Variants in ZNF655 observed in about 807,000 individuals in gnomAD.
The protein encoded by ZNF655 is zinc finger protein 655.
A neutral mutation model predicts 6.6 loss-of-function variants in ZNF655; 3 were observed. The ratio of observed to expected loss-of-function variants is 0.46; its 90% CI spans 0.21 to 1.18. ZNF655 has a LOEUF of 1.18. Among genes scored for constraint, ZNF655 ranks in the 50% most tolerant of loss-of-function variants. The pLI is 0.24. For synonymous variants in ZNF655, 178 were observed against 195.0 expected (o/e 0.91, Z 0.73); for missense variants, 526 against 572.3 (o/e 0.92, Z 0.83).
At chr7:99,562,272 A>G (rs1313731082) in intron 2 of ZNF655, 5 of 1,494,826 alleles carry the variant, frequency 3.3e-6, no homozygotes, top group Admixed American at 2.0e-5. Flanking sequence ...TCCTCAACGT[A>G]AGTACACAGT....
chr7:99,564,180 G>A (rs1312614870), intron 2 of ZNF655: 11 of 1,420,640 alleles, frequency 7.7e-6, no homozygotes, highest in South Asian at 1.6e-5. Flanking sequence ...GCCCTCTGTT[G>A]CAACCAGATA....
At chr7:99,571,499 C>A in intron 2 of ZNF655, 1 of 1,192,254 alleles carries the variant, frequency 8.4e-7, no homozygotes, top group Non-Finnish European at 1.1e-6. Flanking sequence ...TGCCCCTTAA[C>A]ACACATCCCT....
chr7:99,566,001 C>T (rs1474637763), intron 2 of ZNF655, among the ~76,000 whole-genome samples: 1 of 151,370 alleles, frequency 6.6e-6, no homozygotes. Context: ...TATACACACA[C>T]ACAGACATAG....
Position 99,573,107 on chromosome 7 carries a change from T to C in ZNF655, c.999T>C (p.Thr333=), listed in dbSNP as rs1239797042. 6.2e-7 allele frequency: 1 copy of C among 1,614,170 alleles called. No individual in the cohort carries two copies. Among genetic ancestry groups the C allele is most frequent in the Non-Finnish European group, 8.5e-7 (1 of 1,180,010 alleles). The change falls in exon 3 of 3, where the codon ACT becomes ACC. Residue 333 remains threonine (T), a synonymous_variant. Transcript: ENST00000252713. ...ACAAAGAGATGCCCTGTAAGTGTAC[T>C]GTATGTGGCAGTGACTTCTGCCATA... ...KIHKEMPCKC[T]VCGSDFCHTS...
chr7:99,567,353 G>T (rs1033970768), intron 2 of ZNF655, among the ~76,000 whole-genome samples: 1 of 151,980 alleles, frequency 6.6e-6, no homozygotes, highest in African/African-American at 2.4e-5. Context: ...GACCAACATG[G>T]AGAAACCCCG....
In ZNF655 at chr7:99,572,579, T is replaced by C. The variant is rs1373912981; in HGVS notation, c.471T>C (p.Asp157=). The C allele has an allele frequency of 6.2e-7, 1 of 1,613,854 alleles. No individual in the cohort carries two copies. Among genetic ancestry groups the C allele is most frequent in the Admixed American group, 1.7e-5 (1 of 60,018 alleles). ...GAGTTCTTAGAATACAGAATACCGATGACAATGATAAGTATGACATGAGCT... is the reference window on the plus strand; with the variant it reads ...GAGTTCTTAGAATACAGAATACCGACGACAATGATAAGTATGACATGAGCT... The part of the protein sequence containing the change: ...DQRVLRIQNT[D]DNDKYDMSFN... Residue 157 remains aspartate, a synonymous_variant, in exon 3 of 3, where the codon GAT becomes GAC. Transcript: ENST00000252713.
rs1804187135 is a variant in ZNF655, at chr7:99,572,881, A to G, written c.773A>G (p.His258Arg). ...AGTCAGAGCTCAAGTCTTAGTCGAC[A>G]TAAAAGAATACACACTAGAGAAAAA... is the stretch of plus-strand genomic sequence containing the variant. ...SFSQSSSLSRHKRIHTREKPY... is the reference protein window; with the variant it reads ...SFSQSSSLSRRKRIHTREKPY... Residue 258 changes from histidine (H) to arginine (R), a missense_variant, in exon 3 of 3, where the codon CAT (histidine) becomes CGT (arginine). Coordinates refer to ENST00000252713, the MANE Select transcript of ZNF655 (RefSeq NM_138494.3). The G allele has an allele frequency of 8.1e-6, 13 of 1,614,190 alleles. No individual in the cohort carries two copies. The highest frequency in any genetic ancestry group is 1.0e-5 in the Non-Finnish European group (12 of 1,180,010).
chr7:99,559,325 A>G (rs1005645971), intron 1 of ZNF655, among the ~76,000 whole-genome samples: 3 of 151,852 alleles, frequency 2.0e-5, no homozygotes, highest in African/African-American at 7.3e-5. Flanking sequence ...AAGCCCGTGT[A>G]GTAAATCGGA....
rs1803243556 is a variant in ZNF655 at position 99,562,220 on chromosome 7, G to A, written c.136+1525G>A. The A allele has an allele frequency of 3.9e-6, 4 of 1,023,972 alleles. No individual in the cohort carries two copies. In the South Asian group the frequency reaches 7.1e-5, roughly 18 times the overall value. The allele number at this position is 1,023,972 out of a possible 1,614,324, so 63.4% of individuals were successfully genotyped here. A position where few individuals can be genotyped will look rare whatever the true frequency, so the allele number is the denominator to read the frequency against. ...ATGGGTGCTTATTAGATGTTTAAGGGTTATGGGCTTTATTCCGTAGGTTCT... is the reference window on the plus strand; with the variant it reads ...ATGGGTGCTTATTAGATGTTTAAGGATTATGGGCTTTATTCCGTAGGTTCT... On this transcript the variant is annotated intron_variant, in intron 2 of 2. Transcript: ENST00000252713.
chr7:99,568,819 C>T (rs1437570922), intron 2 of ZNF655, among the ~76,000 whole-genome samples: 1 of 151,450 alleles, frequency 6.6e-6, no homozygotes, highest in Non-Finnish European at 1.5e-5. Context: ...CAGGATCTCA[C>T]TCTCACCCAG....
At chr7:99,569,114 A>T (rs1181213496) in intron 2 of ZNF655, among the ~76,000 whole-genome samples, 1 of 150,358 alleles carries the variant, frequency 6.7e-6, no homozygotes, top group African/African-American at 2.5e-5. Context: ...CACTTCTGCG[A>T]CTCCAATTAT....
In ZNF655 at chr7:99,573,826, C is replaced by T. The variant is rs952319; in HGVS notation, c.*242C>T. On this transcript the variant is annotated 3_prime_UTR_variant, in exon 3 of 3. Coordinates refer to ENST00000252713, the MANE Select transcript of ZNF655 (RefSeq NM_138494.3). ...AAATCTATACCAGTGAGAAATCTTA[C>T]AAATGTATTGAATGTGGCAAATTTT... is the stretch of plus-strand genomic sequence containing the variant. 84,583 of 479,934 alleles carry T rather than the reference C, an allele frequency of 0.18. 11,608 individuals carry two copies. Among genetic ancestry groups the T allele is most frequent in the African/African-American group, 0.53 (27,381 of 51,204 alleles). 29.7% of individuals were successfully genotyped at this position (479,934 alleles called of 1,614,324 possible).
chr7:99,565,226 T>C (rs917294357), intron 2 of ZNF655, among the ~76,000 whole-genome samples: 1 of 152,074 alleles, frequency 6.6e-6, no homozygotes, highest in Non-Finnish European at 1.5e-5. Flanking sequence ...TGGAGTGCAG[T>C]GGCACCATCT....
intron 2 of ZNF655, chr7:99,561,887 G>A: frequency 6.5e-7 from 1 of 1,535,268 alleles, no homozygotes; most frequent in South Asian, 1.2e-5. Context: ...TCCTCCCTCA[G>A]CTCCACCTGT....
intron 2 of ZNF655, among the ~76,000 whole-genome samples, chr7:99,566,606 A>G (rs1584255017): frequency 6.6e-6 from 1 of 152,196 alleles, no homozygotes; most frequent in Non-Finnish European, 1.5e-5. Flanking sequence ...TGCCCAGGCT[A>G]GAATACAGTG....
At chr7:99,568,898 C>T (rs1803832808) in intron 2 of ZNF655, among the ~76,000 whole-genome samples, 1 of 152,160 alleles carries the variant, frequency 6.6e-6, no homozygotes, top group Non-Finnish European at 1.5e-5. Context: ...GATCATTCTG[C>T]CTCTGCCTCC....
At position 99,564,070 on chromosome 7, in the gene ZNF655, T is replaced by G. The variant is rs750533596; in HGVS notation, c.136+3375T>G. The G allele has an allele frequency of 2.5e-6, 4 of 1,591,110 alleles. No homozygotes were observed. The East Asian group carries it at 9.0e-5, about 36-fold the overall frequency. On this transcript the variant is annotated intron_variant, in intron 2 of 2. Coordinates refer to ENST00000252713, the MANE Select transcript of ZNF655 (RefSeq NM_138494.3). ...TTTCCACGATTGTGAGATATTAAAA[T>G]TGACTGATGGAATAGAAGCTCCCCA...
chr7:99,563,819 G>A (rs201412564), intron 2 of ZNF655: 6 of 1,576,692 alleles, frequency 3.8e-6, no homozygotes, highest in East Asian at 2.3e-5. Context: ...CCACTGGGAC[G>A]GTTTTTAGTG....
intron 2 of ZNF655, chr7:99,561,876 C>A: frequency 1.3e-6 from 2 of 1,491,902 alleles, no homozygotes; most frequent in Non-Finnish European, 1.8e-6. Flanking sequence ...TCACTCCTTT[C>A]TCCTCCCTCA....
Sources: gnomAD v4.1 joint callset for allele counts (sites outside exome capture counted in the v4.1 genomes callset) on GRCh38, gnomAD v4.1.1 for gene constraint, MANE v1.5 for transcripts, NCBI Gene and HGNC (gene_info 2026-07-23, HGNC 2026-07-21) for gene names.